The following HNF1B variants were observed in gnomAD, a reference collection of about 807,000 sequenced individuals.
HNF1B encodes the protein hepatocyte nuclear factor 1-beta.
A neutral mutation model predicts 61.7 loss-of-function variants in HNF1B; 8 were observed. The ratio of observed to expected loss-of-function variants is 0.13; its 90% CI spans 0.08 to 0.23. HNF1B has a LOEUF of 0.23. HNF1B is among the 10% of genes least tolerant of loss of function. HNF1B has a pLI of 1.00. For missense variants in HNF1B, 562 were observed against 714.5 expected (o/e 0.79, Z 2.43); for synonymous variants, 314 against 287.7 (o/e 1.09, Z -0.93).
intron 4 of HNF1B, among the ~76,000 whole-genome samples, chr17:37,715,485 T>A (rs956456250): frequency 6.6e-6 from 1 of 152,198 alleles, no homozygotes; most frequent in Non-Finnish European, 1.5e-5. Context: ...AATTTCACAT[T>A]TGGAAAACAC....
intron 1 of HNF1B, among the ~76,000 whole-genome samples, chr17:37,742,292 G>A (rs778768758): frequency 1.3e-5 from 2 of 152,234 alleles, no homozygotes; most frequent in Admixed American, 6.5e-5. Flanking sequence ...TCGAGGCCGC[G>A]AGAAAGGCCA....
chr17:37,718,309 TC>T (rs1194925678), intron 4 of HNF1B, among the ~76,000 whole-genome samples: 1 of 152,192 alleles, frequency 6.6e-6, no homozygotes, highest in Non-Finnish European at 1.5e-5. Context: ...CCACGCCTCA[TC>T]CTTACTAGAG....
chr17:37,740,072 G>A lies in HNF1B; in HGVS notation c.345-433C>T, dbSNP rs972014531. Among the ~76,000 whole-genome samples the A allele has an allele frequency of 2.0e-5, 3 of 152,154 alleles. No individual in the cohort carries two copies. The South Asian group carries it at 6.2e-4, about 32-fold the overall frequency. The stretch of plus-strand genomic sequence containing the variant: ...CTCCACCAGGATCCTGGGTTCAAGC[G>A]ATTCTCCTGCCTCAGCCTCCAGAGT... On this transcript the variant is annotated intron_variant, in intron 1 of 8. Transcript: ENST00000617811.
chr17:37,716,909 T>C (rs1047994334), intron 4 of HNF1B, among the ~76,000 whole-genome samples: 1 of 151,370 alleles, frequency 6.6e-6, no homozygotes, highest in Admixed American at 6.6e-5. Context: ...CTGATGATTC[T>C]GGGTCAGTTA....
At chr17:37,707,336 G>C (rs1473109490) in intron 5 of HNF1B, among the ~76,000 whole-genome samples, 1 of 151,910 alleles carries the variant, frequency 6.6e-6, no homozygotes. Context: ...AGCTGGTCTT[G>C]AACTCCTGGG....
chr17:37,731,643 C>T lies in HNF1B; in HGVS notation c.997G>A (p.Gly333Ser), dbSNP rs759905374. The change falls in exon 4 of 9, where the codon GGC becomes AGC. Residue 333 changes from glycine to serine, a missense_variant. Transcript: ENST00000617811. Reference sequence around the variant, plus strand: ...GAGCTGGGCTGGTGGTGGGGGGAGCCGTGGGAGAGCAGAGGGTTCAGGCTG... The same window carrying T: ...GAGCTGGGCTGGTGGTGGGGGGAGCTGTGGGAGAGCAGAGGGTTCAGGCTG... Reference protein sequence around the residue: ...THSLNPLLSHGSPHHQPSSSP... With the variant: ...THSLNPLLSHSSPHHQPSSSP... The T allele has an allele frequency of 3.7e-6, 6 of 1,613,824 alleles. No individual in the cohort carries two copies. Among genetic ancestry groups the T allele is most frequent in the South Asian group, 2.2e-5 (2 of 91,062 alleles).
intron 5 of HNF1B, among the ~76,000 whole-genome samples, chr17:37,705,569 AT>A (rs1344038693): frequency 2.6e-5 from 4 of 152,192 alleles, no homozygotes; most frequent in African/African-American, 9.7e-5. Flanking sequence ...CTATATTGTA[AT>A]CACCATTATA....
In HNF1B at chr17:37,744,534, C is replaced by A. The variant is rs753845530; in HGVS notation, c.344+7G>T. Reference sequence around the variant, plus strand: ...GGTGGGTCCCCTCCACCTCGCTCTGCGCCTACCTGAGCATCCGGTCCACCT... The same window carrying A: ...GGTGGGTCCCCTCCACCTCGCTCTGAGCCTACCTGAGCATCCGGTCCACCT... On this transcript the variant is annotated splice_region_variant and intron_variant, in intron 1 of 8. Transcript: ENST00000617811. The A allele has an allele frequency of 1.2e-6, 2 of 1,601,020 alleles. No individual in the cohort carries two copies. Among genetic ancestry groups the A allele is most frequent in the Non-Finnish European group, 1.7e-6 (2 of 1,179,704 alleles).
At chr17:37,706,519 AAAAG>A (rs1397233070) in intron 5 of HNF1B, among the ~76,000 whole-genome samples, 2 of 152,124 alleles carry the variant, frequency 1.3e-5, no homozygotes, top group Admixed American at 6.5e-5. Context: ...GTTAATTTGA[AAAAG>A]AAAGAAAGCA....
intron 8 of HNF1B, among the ~76,000 whole-genome samples, chr17:37,696,822 G>A (rs2032401409): frequency 1.3e-5 from 2 of 152,176 alleles, no homozygotes; most frequent in African/African-American, 4.8e-5. Flanking sequence ...CTCTGCCTTA[G>A]GAACAGAGTT....
intron 4 of HNF1B, chr17:37,729,005 TCTCTAA>T (rs1417450085): frequency 6.6e-6 from 1 of 152,486 alleles, no homozygotes; most frequent in Non-Finnish European, 1.5e-5. Flanking sequence ...TGTTTAGCCC[TCTCTAA>T]TGTTAAGAGT....
intron 2 of HNF1B, among the ~76,000 whole-genome samples, chr17:37,737,318 G>A (rs1209281714): frequency 6.6e-6 from 1 of 152,134 alleles, no homozygotes; most frequent in African/African-American, 2.4e-5. Context: ...TTCCTCTGCT[G>A]CCCCTTGTGT....
At chr17:37,727,276 A>T (rs944038975) in intron 4 of HNF1B, among the ~76,000 whole-genome samples, 1 of 152,142 alleles carries the variant, frequency 6.6e-6, no homozygotes, top group African/African-American at 2.4e-5. Flanking sequence ...ATGGGCTGTC[A>T]TGGAGCCTAT....
chr17:37,695,782 C>A (rs935026578), intron 8 of HNF1B, among the ~76,000 whole-genome samples: 1 of 152,164 alleles, frequency 6.6e-6, no homozygotes, highest in African/African-American at 2.4e-5. Context: ...GGGATGGGAA[C>A]GTCTGCCCAA....
At position 37,686,549 on chromosome 17, in the gene HNF1B, T is replaced by C. The variant is rs1027124430; in HGVS notation, c.*823A>G. The C allele has an allele frequency of 6.6e-6, 1 of 152,598 alleles. No homozygotes were observed. Among genetic ancestry groups the C allele is most frequent in the African/African-American group, 2.4e-5 (1 of 41,430 alleles). The allele number at this position is 152,598 out of a possible 1,614,324, so 9.5% of individuals were successfully genotyped here. A position where few individuals can be genotyped will look rare whatever the true frequency, so the allele number is the denominator to read the frequency against. On this transcript the variant is annotated 3_prime_UTR_variant, in exon 9 of 9. Coordinates refer to ENST00000617811, the MANE Select transcript of HNF1B (RefSeq NM_000458.4). ...CTTAGGGAGTGCACGGCTGAGCTCC[T>C]GGCCCACAGGAAGCTGGCATGTTAC...
At chr17:37,708,964 A>T (rs1323399048) in intron 5 of HNF1B, among the ~76,000 whole-genome samples, 1 of 152,128 alleles carries the variant, frequency 6.6e-6, no homozygotes, top group Non-Finnish European at 1.5e-5. Context: ...TACACAGCAC[A>T]CACGTCAAGA....
intron 4 of HNF1B, chr17:37,720,904 A>G: frequency 1.0e-6 from 1 of 985,430 alleles, no homozygotes; most frequent in Non-Finnish European, 1.2e-6. Flanking sequence ...TAGACAATGA[A>G]GAAGAACGGC....
At chr17:37,703,715 T>C (rs1012717609) in intron 6 of HNF1B, among the ~76,000 whole-genome samples, 1 of 152,202 alleles carries the variant, frequency 6.6e-6, no homozygotes, top group Non-Finnish European at 1.5e-5. Flanking sequence ...CCATTTTCCT[T>C]CTGCCAAAAT....
intron 8 of HNF1B, among the ~76,000 whole-genome samples, chr17:37,690,881 A>G (rs561883335): frequency 2.0e-5 from 3 of 152,222 alleles, no homozygotes; most frequent in Non-Finnish European, 2.9e-5. Flanking sequence ...CGGACTGTAC[A>G]CAGAATTACA....
Sources: gnomAD v4.1 joint callset for allele counts (sites outside exome capture counted in the v4.1 genomes callset) on GRCh38, gnomAD v4.1.1 for gene constraint, MANE v1.5 for transcripts, NCBI Gene and HGNC (gene_info 2026-07-23, HGNC 2026-07-21) for gene names.